Variants in ATXN7L1 observed in about 807,000 individuals in gnomAD.
ATXN7L1 encodes the protein ataxin 7 like 1, also known as ataxin-7-like protein 1.
A neutral mutation model predicts 70.8 loss-of-function variants in ATXN7L1; 15 were observed. The observed-to-expected ratio is 0.21, with a 90% CI of 0.14 to 0.33. The LOEUF is 0.33. Ranked by LOEUF, ATXN7L1 falls within the 10% of genes least tolerant of loss-of-function variation. The probability of loss-of-function intolerance (pLI) is 1.00; values close to 1 mark genes in which losing one functional copy is unlikely to be tolerated. For missense variants in ATXN7L1, 975 were observed against 1,097.1 expected, an observed-to-expected ratio of 0.89 and a Z score of 1.57; for synonymous variants, 440 against 445.1, an observed-to-expected ratio of 0.99 and a Z score of 0.14.
intron 2 of ATXN7L1, among the ~76,000 whole-genome samples, chr7:105,867,034 C>G (rs766313845): frequency 1.5e-4 from 23 of 152,208 alleles, no homozygotes; most frequent in Non-Finnish European, 2.9e-4. Flanking sequence ...GAAAACCATA[C>G]AGAAACAAAT....
At chr7:105,655,946 G>T (rs1800566907) in intron 4 of ATXN7L1, among the ~76,000 whole-genome samples, 1 of 152,256 alleles carries the variant, frequency 6.6e-6, no homozygotes, top group Admixed American at 6.5e-5. Context: ...TTTTCCTCCT[G>T]GAGCAGCGGG....
At chr7:105,680,204 C>G (rs1199034433) in intron 3 of ATXN7L1, among the ~76,000 whole-genome samples, 1 of 152,154 alleles carries the variant, frequency 6.6e-6, no homozygotes, top group Non-Finnish European at 1.5e-5. Flanking sequence ...CATACTTCCT[C>G]TCATCACACA....
intron 3 of ATXN7L1, among the ~76,000 whole-genome samples, chr7:105,724,865 C>T (rs891155979): frequency 1.0e-4 from 15 of 149,342 alleles, no homozygotes; most frequent in South Asian, 4.3e-4. Flanking sequence ...CTTGCTCTGT[C>T]GCCCAGGCTG....
At chr7:105,650,128 TC>T (rs1417966593) in intron 4 of ATXN7L1, among the ~76,000 whole-genome samples, 1 of 152,222 alleles carries the variant, frequency 6.6e-6, no homozygotes, top group African/African-American at 2.4e-5. Context: ...CAATCTAAAT[TC>T]TTTAAGTTGA....
Position 105,643,086 on chromosome 7 carries a change from G to T in ATXN7L1, c.614C>A (p.Pro205His), listed in dbSNP as rs771798437. The change falls in exon 5 of 12, where the codon CCT becomes CAT. Residue 205 changes from proline to histidine, a missense_variant. Transcript: ENST00000419735. ...PVPVVSLEKI[P>H]NLVKADGANV... is the part of the protein sequence containing the mutation. Reference sequence around the variant, plus strand: ...GGCACCATCTGCCTTCACTAGGTTAGGAATTTTCTCTAAACTGACTACAGG... The same window carrying T: ...GGCACCATCTGCCTTCACTAGGTTATGAATTTTCTCTAAACTGACTACAGG... 1.3e-6 allele frequency: 2 copies of T among 1,540,666 alleles called. No individual in the cohort carries two copies. The highest frequency in any genetic ancestry group is 2.8e-5 in the African/African-American group (2 of 72,616).
chr7:105,818,844 CT>C (rs1809595938), intron 2 of ATXN7L1, among the ~76,000 whole-genome samples: 1 of 152,068 alleles, frequency 6.6e-6, no homozygotes, highest in Admixed American at 6.5e-5. Flanking sequence ...AAGATTATGA[CT>C]CTATCCCTTG....
chr7:105,753,820 A>G (rs1333207026), intron 3 of ATXN7L1, among the ~76,000 whole-genome samples: 1 of 152,192 alleles, frequency 6.6e-6, no homozygotes, highest in Admixed American at 6.5e-5. Flanking sequence ...TATTTATGGG[A>G]GTTTTCTCTT....
Position 105,614,337 on chromosome 7 carries a change from A to T in ATXN7L1, c.1997T>A (p.Leu666His), listed in dbSNP as rs1793517397. ...SSSSSSLQTS[L>H]SSPLSGPHKK... is the part of the protein sequence containing the mutation. Reference sequence around the variant, plus strand: ...GTGAGGCCCTGACAGTGGAGACGAGAGGGATGTCTGCAAGGAAGAGGAGGA... The same window carrying T: ...GTGAGGCCCTGACAGTGGAGACGAGTGGGATGTCTGCAAGGAAGAGGAGGA... The change falls in exon 10 of 12, where the codon CTC (leucine) becomes CAC (histidine). Residue 666 changes from leucine to histidine, a missense_variant. Around this residue, in one of 5 missense-constraint regions of ATXN7L1, gnomAD observed 635 missense variants for 699.4 expected, o/e 0.91. Coordinates refer to ENST00000419735, the MANE Select transcript of ATXN7L1 (RefSeq NM_020725.2). The surrounding 1 kb of genome is among the most constrained non-coding windows in gnomAD (Gnocchi z 4.3). 1 of 1,552,300 alleles carries T rather than the reference A, an allele frequency of 6.4e-7. No individual in the cohort carries two copies. Among genetic ancestry groups the T allele is most frequent in the Non-Finnish European group, 8.7e-7 (1 of 1,147,130 alleles).
At chr7:105,790,826 T>C (rs758585125) in intron 2 of ATXN7L1, among the ~76,000 whole-genome samples, 1 of 152,118 alleles carries the variant, frequency 6.6e-6, no homozygotes, top group East Asian at 1.9e-4. Context: ...TTTAGCTGAC[T>C]GGCTTTGAGA....
chr7:105,636,145 A>G (rs950947638), intron 7 of ATXN7L1, among the ~76,000 whole-genome samples: 6 of 152,182 alleles, frequency 3.9e-5, no homozygotes, highest in African/African-American at 1.4e-4. Flanking sequence ...CTGTAATGTC[A>G]GCACTTTGGG....
At chr7:105,792,593 GCAAAA>G (rs1421915366) in intron 2 of ATXN7L1, among the ~76,000 whole-genome samples, 1 of 152,216 alleles carries the variant, frequency 6.6e-6, no homozygotes, top group African/African-American at 2.4e-5. Flanking sequence ...TTACCCCCAA[GCAAAA>G]CGTTCGGTGC....
intron 3 of ATXN7L1, among the ~76,000 whole-genome samples, chr7:105,684,819 C>T (rs1275863672): frequency 6.6e-6 from 1 of 152,184 alleles, no homozygotes; most frequent in East Asian, 1.9e-4. Context: ...TTGAAAAGCA[C>T]TCTTGAGATA....
chr7:105,733,841 CCCATCCATCCAT>C (rs74665862), intron 3 of ATXN7L1, among the ~76,000 whole-genome samples: 7 of 52,940 alleles, frequency 1.3e-4, no homozygotes, highest in African/African-American at 2.3e-4. Flanking sequence ...CATCCGTCCA[CCCATCCATCCAT>C]CCATCCATCC....
At chr7:105,765,065 T>G (rs532590882) in intron 3 of ATXN7L1, among the ~76,000 whole-genome samples, 191 of 152,292 alleles carry the variant, frequency 1.3e-3, no homozygotes, top group African/African-American at 4.3e-3. Context: ...CCGGGCGTGG[T>G]GGCTCACACC....
chr7:105,655,600 ACT>A (rs1800499048), intron 4 of ATXN7L1, among the ~76,000 whole-genome samples: 1 of 150,824 alleles, frequency 6.6e-6, no homozygotes, highest in Non-Finnish European at 1.5e-5. Context: ...GCCTGAGACG[ACT>A]CTCTGTGTCT....
intron 3 of ATXN7L1, among the ~76,000 whole-genome samples, chr7:105,779,320 G>C (rs985464211): frequency 6.6e-6 from 1 of 152,204 alleles, no homozygotes; most frequent in African/African-American, 2.4e-5. Context: ...TGCTCAGTAA[G>C]TGTTTTAGCT....
At chr7:105,797,192 C>G (rs1645926795) in intron 2 of ATXN7L1, among the ~76,000 whole-genome samples, 1 of 152,264 alleles carries the variant, frequency 6.6e-6, no homozygotes, top group South Asian at 2.1e-4. Context: ...GACTCCTGGC[C>G]TCTTCCTGCC....
intron 2 of ATXN7L1, among the ~76,000 whole-genome samples, chr7:105,872,623 T>C (rs774723999): frequency 3.9e-5 from 6 of 152,008 alleles, no homozygotes; most frequent in Non-Finnish European, 5.9e-5. Flanking sequence ...GGCAACTTCA[T>C]AGAGACAGAA....
At chr7:105,835,713 G>GAAAA (rs1812279935) in intron 2 of ATXN7L1, among the ~76,000 whole-genome samples, 1 of 152,046 alleles carries the variant, frequency 6.6e-6, no homozygotes, top group African/African-American at 2.4e-5. Context: ...TTTCTCTTCT[G>GAAAA]GCCAACAAGA....
Sources: gnomAD v4.1 joint callset for allele counts (sites outside exome capture counted in the v4.1 genomes callset) on GRCh38, gnomAD v4.1.1 for gene constraint, gnomAD v4.1.1 regional missense constraint, Gnocchi (gnomAD v3.1) non-coding constraint, MANE v1.5 for transcripts, NCBI Gene and HGNC (gene_info 2026-07-23, HGNC 2026-07-21) for gene names.